Variants in SCUBE1 observed in about 807,000 individuals in gnomAD.
SCUBE1 encodes signal peptide, CUB domain and EGF like domain containing 1, also known as signal peptide, CUB and EGF-like domain-containing protein 1.
Under a neutral mutation model 124.4 loss-of-function variants are expected in SCUBE1, and 59 were observed. The observed-to-expected ratio is 0.47, with a 90% CI of 0.38 to 0.59. The LOEUF is 0.59. Ranked by LOEUF, SCUBE1 falls within the 20% of genes least tolerant of loss-of-function variation. SCUBE1 has a pLI of 0.00. For missense variants in SCUBE1, 1,150 were observed against 1,371.2 expected, an observed-to-expected ratio of 0.84 and a Z score of 2.55; for synonymous variants, 545 against 550.9, an observed-to-expected ratio of 0.99 and a Z score of 0.15.
chr22:43,225,197 A>C (rs1224619249), intron 10 of SCUBE1, among the ~76,000 whole-genome samples: 14 of 142,076 alleles, frequency 9.9e-5, no homozygotes, highest in African/African-American at 2.5e-4. Context: ...TCACCCCCCC[A>C]CTCCTGCCCC....
At chr22:43,232,909 C>G (rs984475545) in intron 7 of SCUBE1, among the ~76,000 whole-genome samples, 1 of 152,230 alleles carries the variant, frequency 6.6e-6, no homozygotes, top group African/African-American at 2.4e-5. Flanking sequence ...TCCCTGTCCC[C>G]AAGGGGCCTC....
intron 6 of SCUBE1, among the ~76,000 whole-genome samples, chr22:43,250,402 C>T (rs1923394379): frequency 6.6e-6 from 1 of 152,314 alleles, no homozygotes; most frequent in East Asian, 1.9e-4. Context: ...GCTCAGGGGG[C>T]CCTGTCCCTG....
chr22:43,342,289 G>A (rs1927345600), intron 1 of SCUBE1, among the ~76,000 whole-genome samples: 1 of 151,944 alleles, frequency 6.6e-6, no homozygotes. Context: ...GAAACCCACG[G>A]GCCTGGGCCT....
chr22:43,278,600 T>A (rs1209124990), intron 4 of SCUBE1, among the ~76,000 whole-genome samples: 16 of 152,114 alleles, frequency 1.1e-4, no homozygotes, highest in Admixed American at 1.0e-3. Flanking sequence ...TAGGATCCTA[T>A]CAATATGTGG....
rs757864707 is a variant in SCUBE1, at chr22:43,203,960, G to A, written c.*37C>T. 16 of 1,610,738 alleles carry A rather than the reference G, an allele frequency of 9.9e-6. No homozygotes were observed. In the East Asian group the frequency reaches 1.3e-4, roughly 13 times the overall value. On this transcript the variant is annotated 3_prime_UTR_variant, in exon 22 of 22. Transcript: ENST00000360835. The stretch of plus-strand genomic sequence containing the variant: ...TGTGGAGGGCAGGTGCACCCTCCGC[G>A]GACCAGGCCACCCCCAGGCAGGGCC...
chr22:43,321,106 C>T (rs28593126), intron 2 of SCUBE1, among the ~76,000 whole-genome samples: 1,667 of 152,302 alleles, frequency 0.011, 23 homozygotes, highest in African/African-American at 0.038. Flanking sequence ...GAACTGGAAC[C>T]GGAACCGGAA....
At chr22:43,262,971 G>A in intron 4 of SCUBE1, 126 bp from the exon 5 acceptor site, 2 of 945,646 alleles carry the variant, frequency 2.1e-6, no homozygotes, top group Non-Finnish European at 1.6e-6. Context: ...CATGTATCAT[G>A]CACACACACG....
intron 16 of SCUBE1, 44 bp downstream of exon 16, chr22:43,214,046 C>CGGGGGG (rs2146658460): frequency 7.1e-6 from 3 of 422,702 alleles, no homozygotes; most frequent in Non-Finnish European, 1.2e-5. Context: ...GAGGAGCCCC[C>CGGGGGG]GCCCACCCCC....
chr22:43,340,664 G>A (rs187022234), intron 1 of SCUBE1, among the ~76,000 whole-genome samples: 1 of 152,212 alleles, frequency 6.6e-6, no homozygotes, highest in African/African-American at 2.4e-5. Context: ...AATCTGTTAT[G>A]GGTCAGTAGC....
intron 4 of SCUBE1, among the ~76,000 whole-genome samples, chr22:43,289,286 T>C (rs1438887718): frequency 6.6e-6 from 1 of 152,232 alleles, no homozygotes; most frequent in Non-Finnish European, 1.5e-5. Context: ...CTCAGAGTCC[T>C]GGTTTATAGG....
At position 43,250,311 on chromosome 22, in the gene SCUBE1, C is replaced by T. The variant is rs971888596; in HGVS notation, c.727+7908G>A. Among the ~76,000 whole-genome samples the T allele has an allele frequency of 1.2e-4, 18 of 152,326 alleles. No individual in the cohort carries two copies. In the South Asian group the frequency reaches 1.4e-3, roughly 12 times the overall value. ...CTGATCAAGGGAGTCACAGATGCTG[C>T]GACTGCTCCCAGGCTTTGTCTGGCA... On this transcript the variant is annotated intron_variant, in intron 6 of 21. Transcript: ENST00000360835.
At chr22:43,275,391 C>T (rs1455916116) in intron 4 of SCUBE1, among the ~76,000 whole-genome samples, 1 of 152,230 alleles carries the variant, frequency 6.6e-6, no homozygotes. Context: ...GATGCACACA[C>T]TTCGGGCATG....
intron 3 of SCUBE1, 109 bp from the exon 4 acceptor site, chr22:43,291,289 GGGAGGGACTCCA>G: frequency 8.0e-7 from 1 of 1,251,996 alleles, no homozygotes; most frequent in Non-Finnish European, 1.1e-6. Context: ...TGGCCCTGAA[GGGAGGGACTCCA>G]GAGAGGGCCT....
intron 3 of SCUBE1, among the ~76,000 whole-genome samples, chr22:43,307,888 A>G (rs1926029850): frequency 6.6e-6 from 1 of 152,214 alleles, no homozygotes; most frequent in Non-Finnish European, 1.5e-5. Context: ...TCAGTGGCCT[A>G]AGGAGCCTGA....
intron 6 of SCUBE1, among the ~76,000 whole-genome samples, chr22:43,243,132 A>C (rs998409): frequency 1.3e-5 from 2 of 152,184 alleles, no homozygotes; most frequent in Non-Finnish European, 2.9e-5. Context: ...GGCCGTGTTC[A>C]GGTCACACAG....
intron 4 of SCUBE1, among the ~76,000 whole-genome samples, 159 bp from the exon 5 acceptor site, chr22:43,263,004 C>A (rs532464099): frequency 5.3e-5 from 8 of 152,270 alleles, no homozygotes; most frequent in Admixed American, 2.6e-4. Flanking sequence ...CACACATATG[C>A]GTGTGTGCAG....
chr22:43,327,300 C>T (rs150880437), intron 2 of SCUBE1, among the ~76,000 whole-genome samples: 1 of 152,202 alleles, frequency 6.6e-6, no homozygotes, highest in Non-Finnish European at 1.5e-5. Context: ...GGCAGCTTGA[C>T]TTCAGAGTTA....
At chr22:43,245,847 T>A (rs1923189215) in intron 6 of SCUBE1, among the ~76,000 whole-genome samples, 1 of 152,226 alleles carries the variant, frequency 6.6e-6, no homozygotes, top group Non-Finnish European at 1.5e-5. Flanking sequence ...TGGCACTGTC[T>A]TCCAAGGCAG....
At chr22:43,251,774 C>T (rs550803257) in intron 6 of SCUBE1, among the ~76,000 whole-genome samples, 1 of 152,310 alleles carries the variant, frequency 6.6e-6, no homozygotes, top group South Asian at 2.1e-4. Flanking sequence ...AATAAACGTG[C>T]GTCGTCTTAA....
Sources: gnomAD v4.1 joint callset for allele counts (sites outside exome capture counted in the v4.1 genomes callset) on GRCh38, gnomAD v4.1.1 for gene constraint, MANE v1.5 for transcripts, NCBI Gene and HGNC (gene_info 2026-07-23, HGNC 2026-07-21) for gene names.